ARPC5: variants seen among roughly 807,000 people sequenced by gnomAD.
The protein encoded by ARPC5 is actin related protein 2/3 complex subunit 5.
ARPC5 carries 5 observed loss-of-function variants against 15.4 expected under a neutral mutation model. The observed-to-expected ratio is 0.32, with a 90% CI of 0.17 to 0.68. ARPC5 has a LOEUF of 0.68. ARPC5 is among the 30% of genes least tolerant of loss of function. The probability of loss-of-function intolerance (pLI) is 0.71; values close to 1 mark genes in which losing one functional copy is unlikely to be tolerated. For synonymous variants in ARPC5, 85 were observed against 72.2 expected, an observed-to-expected ratio of 1.18 and a Z score of -0.90; for missense variants, 138 against 192.8, an observed-to-expected ratio of 0.72 and a Z score of 1.68.
rs921620851 is a variant in ARPC5 at position 183,626,470 on chromosome 1, A to C, written c.*1062T>G. ...TTTTGAGAACTGATTTGGTTTGTCCAACAAAGTAAACAATTTTTTGCTGTG... is the reference window on the plus strand; with the variant it reads ...TTTTGAGAACTGATTTGGTTTGTCCCACAAAGTAAACAATTTTTTGCTGTG... On this transcript the variant is annotated 3_prime_UTR_variant, in exon 4 of 4. Coordinates refer to ENST00000359856, the MANE Select transcript of ARPC5 (RefSeq NM_005717.4). 6.6e-6 allele frequency: 1 copy of C among 152,640 alleles called. No homozygotes were observed. Among genetic ancestry groups the C allele is most frequent in the Admixed American group, 6.5e-5 (1 of 15,284 alleles). The allele number at this position is 152,640 out of a possible 1,614,324, so 9.5% of individuals were successfully genotyped here. A position where few individuals can be genotyped will look rare whatever the true frequency, so the allele number is the denominator to read the frequency against.
At chr1:183,629,162 T>C (rs1236218242) in intron 3 of ARPC5, among the ~76,000 whole-genome samples, 2 of 152,208 alleles carry the variant, frequency 1.3e-5, no homozygotes, top group Non-Finnish European at 2.9e-5. Context: ...ATAGCAAGCA[T>C]TTCCCTCCAT....
chr1:183,635,546 G>C lies in ARPC5; in HGVS notation c.114C>G (p.Asp38Glu). The C allele has an allele frequency of 6.2e-7, 1 of 1,612,850 alleles. No individual in the cohort carries two copies. The change falls in exon 1 of 4, where the codon GAC (aspartate) becomes GAG (glutamate). Residue 38 changes from aspartate (D) to glutamate (E), a missense_variant. By Grantham distance (45) the Asp-to-Glu change is conservative. Around this residue, in one of 3 missense-constraint regions of ARPC5, gnomAD observed 121 missense variants for 153.7 expected, o/e 0.79. Coordinates refer to ENST00000359856, the MANE Select transcript of ARPC5 (RefSeq NM_005717.4). ...EDGGDGQAGP[D>E]EGEVDSCLRQ... ...GCAGGCAGGAGTCCACCTCGCCCTC[G>C]TCGGGCCCGGCCTGGCCGTCGCCCC...
rs1649470234 is a variant in ARPC5, at chr1:183,635,668, C to G, written c.-9G>C. ...ACTGTGTTCTTCGACATCCCAATCC[C>G]GACCAGCGGCAAAGGCCTCTTCTTG... On this transcript the variant is annotated 5_prime_UTR_variant, in exon 1 of 4. Coordinates refer to ENST00000359856, the MANE Select transcript of ARPC5 (RefSeq NM_005717.4). 2.5e-6 allele frequency: 4 copies of G among 1,609,454 alleles called. No individual in the cohort carries two copies. Among genetic ancestry groups the G allele is most frequent in the Non-Finnish European group, 3.4e-6 (4 of 1,177,830 alleles).
intron 3 of ARPC5, among the ~76,000 whole-genome samples, chr1:183,629,517 T>G (rs1332656004): frequency 6.6e-6 from 1 of 152,202 alleles, no homozygotes; most frequent in Admixed American, 6.5e-5. Flanking sequence ...GTGTTTTCAC[T>G]CAGATACACT....
At position 183,627,578 on chromosome 1, in the gene ARPC5, C is replaced by A; in HGVS notation, c.410G>T (p.Gly137Val). Residue 137 changes from glycine (G) to valine (V), a missense_variant, in exon 4 of 4, where the codon GGA becomes GTA. Physicochemically the swap from Gly to Val is moderately radical, Grantham distance 109. This residue lies in a region of ARPC5 where 121 missense variants were observed against 153.7 expected (regional missense o/e 0.79). Transcript: ENST00000359856. ...CAAGACACGAACAATGGACCCTACT[C>A]CTCCAGCAGCAAGTGCCTAAAAACA... is the stretch of plus-strand genomic sequence containing the variant. ...QWHEKALAAG[G>V]VGSIVRVLTA... 6.2e-7 allele frequency: 1 copy of A among 1,613,992 alleles called. No homozygotes were observed. Among genetic ancestry groups the A allele is most frequent in the Non-Finnish European group, 8.5e-7 (1 of 1,179,898 alleles).
At chr1:183,634,522 C>A (rs1296251583) in intron 1 of ARPC5, among the ~76,000 whole-genome samples, 1 of 152,162 alleles carries the variant, frequency 6.6e-6, no homozygotes, top group Non-Finnish European at 1.5e-5. Context: ...TTTTCTAAAA[C>A]TACAGCTTCG....
chr1:183,627,628 A>G (rs373801195), intron 3 of ARPC5, 34 bp from the exon 4 acceptor site: 11 of 1,540,686 alleles, frequency 7.1e-6, no homozygotes, highest in Non-Finnish European at 9.9e-6. Flanking sequence ...TGTTGACAGA[A>G]TAATAAAAGG....
Position 183,623,625 on chromosome 1 carries a change from G to C in ARPC5, c.*3907C>G. On this transcript the variant is annotated 3_prime_UTR_variant, in exon 4 of 4. Coordinates refer to ENST00000359856, the MANE Select transcript of ARPC5 (RefSeq NM_005717.4). ...TTGGTTCTACAGAGGCCGTTGGTCT[G>C]TTCCTTAATTGGGTGTGTTTTTCAA... 2 of 971,086 alleles carry C rather than the reference G, an allele frequency of 2.1e-6. No homozygotes were observed. Among genetic ancestry groups the C allele is most frequent in the Middle Eastern group, 3.1e-4 (1 of 3,218 alleles). 60.2% of individuals were successfully genotyped at this position (971,086 alleles called of 1,614,324 possible). A position where few individuals can be genotyped will look rare whatever the true frequency, so the allele number is the denominator to read the frequency against.
chr1:183,629,835 C>CT (rs1014139001), intron 3 of ARPC5, among the ~76,000 whole-genome samples: 9 of 152,254 alleles, frequency 5.9e-5, no homozygotes, highest in East Asian at 1.9e-4. Flanking sequence ...GTTTCCAAAA[C>CT]TTTTTTACCA....
chr1:183,635,739 G>C lies in ARPC5; in HGVS notation c.-80C>G, dbSNP rs1572202400. On this transcript the variant is annotated 5_prime_UTR_variant, in exon 1 of 4. Coordinates refer to ENST00000359856, the MANE Select transcript of ARPC5 (RefSeq NM_005717.4). ...AGCCCAGCCCAGCAACCCACTACCC[G>C]GCGCCTGATTCACTTCCCTCTTCCG... is the stretch of plus-strand genomic sequence containing the variant. The C allele has an allele frequency of 3.9e-6, 6 of 1,538,250 alleles. No individual in the cohort carries two copies. The South Asian group carries it at 5.0e-5, about 13-fold the overall frequency.
At chr1:183,628,151 C>G (rs967472616) in intron 3 of ARPC5, among the ~76,000 whole-genome samples, 4 of 115,290 alleles carry the variant, frequency 3.5e-5, no homozygotes, top group African/African-American at 1.0e-4. Flanking sequence ...CCAGCCTGGG[C>G]GACAGAGCAA....
intron 3 of ARPC5, among the ~76,000 whole-genome samples, 176 bp from the exon 4 acceptor site, chr1:183,627,770 A>G (rs60156786): frequency 0.079 from 12,036 of 152,252 alleles, 922 homozygotes; most frequent in African/African-American, 0.2. Context: ...CTTGGCACTG[A>G]GGTTACAGTA....
chr1:183,627,768 T>G (rs1379052590), intron 3 of ARPC5, among the ~76,000 whole-genome samples, 174 bp from the exon 4 acceptor site: 1 of 152,238 alleles, frequency 6.6e-6, no homozygotes, highest in African/African-American at 2.4e-5. Flanking sequence ...TTCTTGGCAC[T>G]GAGGTTACAG....
rs1649058820 is a variant in ARPC5 at position 183,625,224 on chromosome 1, A to G, written c.*2308T>C. 6.6e-6 allele frequency: 1 copy of G among 152,248 alleles called. No homozygotes were observed. The highest frequency in any genetic ancestry group is 2.4e-5 in the African/African-American group (1 of 41,458). The allele number at this position is 152,248 out of a possible 1,614,324, so 9.4% of individuals were successfully genotyped here. On this transcript the variant is annotated 3_prime_UTR_variant, in exon 4 of 4. Coordinates refer to ENST00000359856, the MANE Select transcript of ARPC5 (RefSeq NM_005717.4). ...TTCCCAACTCTTCACCAAGGATAGT[A>G]CTGTGTCATGGTTACTATACCCTGG...
At chr1:183,630,032 T>A (rs955221530) in intron 3 of ARPC5, among the ~76,000 whole-genome samples, 4 of 152,234 alleles carry the variant, frequency 2.6e-5, no homozygotes, top group African/African-American at 9.6e-5. Context: ...GTTTTCAAGG[T>A]TTATTAATGT....
chr1:183,622,396 T>C lies in ARPC5; in HGVS notation c.*5136A>G, dbSNP rs1449046337. On this transcript the variant is annotated 3_prime_UTR_variant, in exon 4 of 4. Coordinates refer to ENST00000359856, the MANE Select transcript of ARPC5 (RefSeq NM_005717.4). ...CTTAGCAAATTGAAGAAAATCTTAG[T>C]TGCCCTGGCATCTTGATTCAATTTT... The C allele has an allele frequency of 6.6e-6, 1 of 152,238 alleles. No individual in the cohort carries two copies. The highest frequency in any genetic ancestry group is 2.4e-5 in the African/African-American group (1 of 41,460). The allele number at this position is 152,238 out of a possible 1,614,324, so 9.4% of individuals were successfully genotyped here.
chr1:183,631,862 A>C (rs1400660635), intron 2 of ARPC5: 2 of 152,214 alleles, frequency 1.3e-5, no homozygotes, highest in Non-Finnish European at 2.9e-5. Context: ...GGAAACACTT[A>C]ACTGACCTTT....
intron 1 of ARPC5, among the ~76,000 whole-genome samples, chr1:183,634,240 G>T (rs6674368): frequency 0.082 from 12,517 of 152,248 alleles, 1,020 homozygotes; most frequent in African/African-American, 0.21. Flanking sequence ...AAGCATGCCT[G>T]ATGTAGATTA....
rs772425065 is a variant in ARPC5, at chr1:183,630,688, G to A, written c.217-51C>T. The A allele has an allele frequency of 3.9e-6, 6 of 1,531,818 alleles. No homozygotes were observed. The East Asian group carries it at 9.1e-5, about 23-fold the overall frequency. The allele number at this position is 1,531,818 out of a possible 1,614,324, so 94.9% of individuals were successfully genotyped here. A position where few individuals can be genotyped will look rare whatever the true frequency, so the allele number is the denominator to read the frequency against. On this transcript the variant is annotated intron_variant, in intron 2 of 3. Coordinates refer to ENST00000359856, the MANE Select transcript of ARPC5 (RefSeq NM_005717.4). ...ATTTAGACATATCTGTATGAGGAGG[G>A]TTTAGAATTTCAGAAAGTCTACACT... is the stretch of plus-strand genomic sequence containing the variant.
Sources: gnomAD v4.1 joint callset for allele counts (sites outside exome capture counted in the v4.1 genomes callset) on GRCh38, gnomAD v4.1.1 for gene constraint, gnomAD v4.1.1 regional missense constraint, MANE v1.5 for transcripts, NCBI Gene and HGNC (gene_info 2026-07-23, HGNC 2026-07-21) for gene names.